Variants in DACH2 observed in about 807,000 individuals in gnomAD.
DACH2 encodes the protein dachshund homolog 2.
A neutral mutation model predicts 35.8 loss-of-function variants in DACH2; 17 were observed. The ratio of observed to expected loss-of-function variants is 0.48; its 90% CI spans 0.33 to 0.71. The LOEUF (loss-of-function observed/expected upper bound fraction) is 0.71, where lower values mean the gene tolerates loss of function less well. Among genes scored for constraint, DACH2 ranks in the 30% least tolerant of loss-of-function variants. The probability of loss-of-function intolerance (pLI) is 0.02; values close to 1 mark genes in which losing one functional copy is unlikely to be tolerated. For missense variants in DACH2, 469 were observed against 472.7 expected (o/e 0.99, Z 0.07); for synonymous variants, 195 against 177.3 (o/e 1.10, Z -0.79).
intron 7 of DACH2, among the ~76,000 whole-genome samples, chrX:86,759,011 C>A (rs1279297999): frequency 8.9e-6 from 1 of 111,751 alleles, no homozygotes; most frequent in Admixed American, 9.5e-5. Flanking sequence ...AGGTCTTATT[C>A]TTTCTATTTT....
intron 1 of DACH2, among the ~76,000 whole-genome samples, chrX:86,307,527 C>T (rs900305892): frequency 9.0e-6 from 1 of 111,575 alleles, no homozygotes; most frequent in African/African-American, 3.3e-5. Flanking sequence ...CCAGTAGTGG[C>T]AACATCCCCT....
chrX:86,233,769 G>A lies in DACH2; in HGVS notation c.488+84661G>A, dbSNP rs2032998897. Among the ~76,000 whole-genome samples the A allele has an allele frequency of 2.7e-5, 3 of 111,360 alleles. No individual in the cohort carries two copies. In the Admixed American group the frequency reaches 2.8e-4, roughly 11 times the overall value. On this transcript the variant is annotated intron_variant, in intron 1 of 11. Coordinates refer to ENST00000373125, the MANE Select transcript of DACH2 (RefSeq NM_053281.3). The stretch of plus-strand genomic sequence containing the variant: ...TCAGAATTGTGGCAGGAGGCAAAAG[G>A]CACTTCTTACATGGTGGCAACAAGA...
At chrX:86,218,431 TGG>T (rs2032627086) in intron 1 of DACH2, among the ~76,000 whole-genome samples, 2 of 112,092 alleles carry the variant, frequency 1.8e-5, no homozygotes, top group Middle Eastern at 8.5e-3. Context: ...TATCTAAAAT[TGG>T]TCATCAGAAG....
chrX:86,695,320 A>G, intron 5 of DACH2, 141 bp downstream of exon 5: 1 of 431,872 alleles, frequency 2.3e-6, no homozygotes, highest in Non-Finnish European at 3.5e-6. Context: ...GAGGTAAAGA[A>G]GGACTCACTT....
chrX:86,445,516 A>AT (rs1457856123), intron 2 of DACH2, among the ~76,000 whole-genome samples: 2 of 73,670 alleles, frequency 2.7e-5, no homozygotes, highest in East Asian at 4.5e-4. Flanking sequence ...AATAATAATA[A>AT]AAAAAAAGAA....
chrX:86,694,566 C>T (rs965527801), intron 4 of DACH2, among the ~76,000 whole-genome samples: 1 of 112,155 alleles, frequency 8.9e-6, no homozygotes, highest in South Asian at 3.7e-4. Context: ...CTCTGAGTGA[C>T]CTGAGAAGAA....
At chrX:86,748,125 C>T (rs977087831) in intron 7 of DACH2, among the ~76,000 whole-genome samples, 11 of 111,745 alleles carry the variant, frequency 9.8e-5, no homozygotes, top group Non-Finnish European at 1.5e-4. Context: ...AGTACTTTTG[C>T]GATTTTCACA....
intron 2 of DACH2, among the ~76,000 whole-genome samples, chrX:86,399,879 G>C (rs1413948042): frequency 9.0e-6 from 1 of 111,055 alleles, no homozygotes; most frequent in Non-Finnish European, 1.9e-5. Flanking sequence ...TGTTCTTCTG[G>C]AGTATGTTTG....
chrX:86,826,384 T>G (rs2042562524), intron 11 of DACH2, among the ~76,000 whole-genome samples: 2 of 111,664 alleles, frequency 1.8e-5, no homozygotes, highest in African/African-American at 6.5e-5. Flanking sequence ...TTGAATAAAT[T>G]GTAAGTCAGA....
At chrX:86,586,611 A>G (rs1409121718) in intron 3 of DACH2, among the ~76,000 whole-genome samples, 2 of 111,588 alleles carry the variant, frequency 1.8e-5, no homozygotes, top group African/African-American at 6.5e-5. Flanking sequence ...TGTATGGTGA[A>G]GAAGAGGTCC....
At chrX:86,291,514 G>A (rs1297398726) in intron 1 of DACH2, among the ~76,000 whole-genome samples, 10 of 106,278 alleles carry the variant, frequency 9.4e-5, no homozygotes, top group Non-Finnish European at 1.3e-4. Context: ...GTTTTCAAAG[G>A]GAATGCTTCC....
intron 1 of DACH2, among the ~76,000 whole-genome samples, chrX:86,303,184 G>T (rs1344987016): frequency 1.9e-5 from 2 of 106,544 alleles, no homozygotes; most frequent in African/African-American, 3.4e-5. Context: ...GGAATCAGGA[G>T]ACTTGAATTT....
intron 1 of DACH2, among the ~76,000 whole-genome samples, chrX:86,315,171 C>G (rs1156746471): frequency 3.6e-5 from 4 of 111,873 alleles, no homozygotes; most frequent in African/African-American, 1.3e-4. Flanking sequence ...TTCTGAAAAT[C>G]TTAAGGACCT....
At chrX:86,415,180 A>AATTGATG (rs1436978055) in intron 2 of DACH2, among the ~76,000 whole-genome samples, 2 of 112,161 alleles carry the variant, frequency 1.8e-5, no homozygotes, top group African/African-American at 6.5e-5. Flanking sequence ...AATAGACCAG[A>AATTGATG]ATTGATGAAA....
chrX:86,592,277 A>C (rs946227171), intron 3 of DACH2, among the ~76,000 whole-genome samples: 1 of 111,860 alleles, frequency 8.9e-6, no homozygotes, highest in Non-Finnish European at 1.9e-5. Context: ...TAAAAAGATT[A>C]TGATTTCTCC....
At chrX:86,449,872 C>G (rs936679231) in intron 2 of DACH2, among the ~76,000 whole-genome samples, 4 of 111,378 alleles carry the variant, frequency 3.6e-5, no homozygotes. Context: ...TTATTTTTAA[C>G]AGTTTCGTCT....
intron 1 of DACH2, among the ~76,000 whole-genome samples, chrX:86,204,864 A>G (rs780960463): frequency 1.1e-4 from 12 of 111,822 alleles, no homozygotes; most frequent in Non-Finnish European, 2.1e-4. Context: ...AGGCACATCA[A>G]ATTGTTTCAA....
Position 86,483,691 on chromosome X carries a change from G to A in DACH2, c.528-30588G>A, listed in dbSNP as rs1042295165. The stretch of plus-strand genomic sequence containing the variant: ...CTACAAAAAATACAACAATTAGCTG[G>A]GCATGATGGCATGTGCCTGTGGTCC... On this transcript the variant is annotated intron_variant, in intron 2 of 11. Coordinates refer to ENST00000373125, the MANE Select transcript of DACH2 (RefSeq NM_053281.3). 2.7e-5 allele frequency among the ~76,000 whole-genome samples: 3 copies of A among 110,650 alleles called. No homozygotes were observed. In the Admixed American group the frequency reaches 2.9e-4, roughly 11 times the overall value.
chrX:86,523,426 A>G (rs1397193163), intron 3 of DACH2, among the ~76,000 whole-genome samples: 2 of 111,868 alleles, frequency 1.8e-5, no homozygotes, highest in Non-Finnish European at 3.8e-5. Flanking sequence ...AAAAAATATC[A>G]AGCCCTCATT....
Sources: allele counts gnomAD v4.1 joint callset (sites outside exome capture counted in the v4.1 genomes callset), GRCh38; gene constraint gnomAD v4.1.1; transcripts MANE v1.5; gene names NCBI Gene and HGNC (gene_info 2026-07-23, HGNC 2026-07-21).